Variants in SLC30A9 observed in about 807,000 individuals in gnomAD.
SLC30A9 encodes solute carrier family 30 member 9, also known as proton-coupled zinc antiporter SLC30A9, mitochondrial.
Under a neutral mutation model 87.5 loss-of-function variants are expected in SLC30A9, and 58 were observed. The ratio of observed to expected loss-of-function variants is 0.66; its 90% confidence interval spans 0.54 to 0.82. The LOEUF (loss-of-function observed/expected upper bound fraction) is 0.82, where lower values mean the gene tolerates loss of function less well. Ranked by LOEUF, SLC30A9 falls within the 40% of genes least tolerant of loss-of-function variation. SLC30A9 has a pLI of 0.00. For synonymous variants in SLC30A9, 234 were observed against 233.0 expected, an observed-to-expected ratio of 1.00 and a Z score of -0.04; for missense variants, 557 against 679.1, an observed-to-expected ratio of 0.82 and a Z score of 2.00.
At chr4:42,046,151 A>G (rs953652439) in intron 8 of SLC30A9, among the ~76,000 whole-genome samples, 2 of 152,224 alleles carry the variant, frequency 1.3e-5, no homozygotes, top group Non-Finnish European at 2.9e-5. Flanking sequence ...AGTAGCTGGA[A>G]GCATTCCCTT....
chr4:41,999,520 C>G (rs1714886822), intron 1 of SLC30A9, among the ~76,000 whole-genome samples: 1 of 151,956 alleles, frequency 6.6e-6, no homozygotes, highest in Non-Finnish European at 1.5e-5. Context: ...TAAAAATAGC[C>G]TGAAGTTAGA....
chr4:42,058,697 C>G (rs10938172), intron 9 of SLC30A9, among the ~76,000 whole-genome samples: 100,194 of 152,142 alleles, frequency 0.66, 37,188 homozygotes, highest in East Asian at 0.96. Flanking sequence ...ATGGTGGCAA[C>G]ACAAGAGAAG....
At chr4:42,003,617 C>T (rs1414208432) in intron 2 of SLC30A9, among the ~76,000 whole-genome samples, 1 of 152,038 alleles carries the variant, frequency 6.6e-6, no homozygotes, top group Non-Finnish European at 1.5e-5. Context: ...TTGATTTTAA[C>T]TTAATTTTGT....
chr4:42,018,424 A>G (rs925222526), intron 3 of SLC30A9: 4 of 1,292,846 alleles, frequency 3.1e-6, no homozygotes, highest in Non-Finnish European at 4.0e-6. Flanking sequence ...AGAATCATCA[A>G]TTGCATTATC....
At chr4:42,030,376 G>A (rs559869999) in intron 6 of SLC30A9, among the ~76,000 whole-genome samples, 2 of 152,304 alleles carry the variant, frequency 1.3e-5, no homozygotes, top group South Asian at 4.1e-4. Context: ...CATTTTTACT[G>A]TAAATTATGA....
chr4:42,018,895 C>T (rs1298765385), intron 3 of SLC30A9, among the ~76,000 whole-genome samples: 4 of 151,914 alleles, frequency 2.6e-5, no homozygotes, highest in African/African-American at 7.3e-5. Flanking sequence ...TCATTAATAA[C>T]CTGGGCCAGG....
chr4:42,049,673 A>C (rs1357359916), intron 9 of SLC30A9, among the ~76,000 whole-genome samples, 194 bp downstream of exon 9: 1 of 152,212 alleles, frequency 6.6e-6, no homozygotes, highest in Non-Finnish European at 1.5e-5. Context: ...TGCTTTAAGA[A>C]CCTCTGACAA....
chr4:41,999,802 G>A (rs917357625), intron 1 of SLC30A9, among the ~76,000 whole-genome samples: 3 of 151,924 alleles, frequency 2.0e-5, no homozygotes, highest in African/African-American at 7.3e-5. Context: ...TGTAACATTT[G>A]TAACAACTGG....
At chr4:42,011,689 T>C (rs1005534404) in intron 2 of SLC30A9, among the ~76,000 whole-genome samples, 1 of 152,190 alleles carries the variant, frequency 6.6e-6, no homozygotes, top group African/African-American at 2.4e-5. Context: ...TTAATTCCAG[T>C]TGAAGCTAAA....
chr4:42,041,286 C>T (rs1331619112), intron 8 of SLC30A9, among the ~76,000 whole-genome samples: 1 of 151,918 alleles, frequency 6.6e-6, no homozygotes, highest in Non-Finnish European at 1.5e-5. Context: ...AGGGAAGAAG[C>T]GTTTGTTTTT....
At chr4:42,045,284 T>A (rs576150270) in intron 8 of SLC30A9, among the ~76,000 whole-genome samples, 7 of 151,918 alleles carry the variant, frequency 4.6e-5, no homozygotes, top group East Asian at 3.9e-4. Context: ...CTGGTTTTTT[T>A]AAAAGATTCA....
intron 2 of SLC30A9, among the ~76,000 whole-genome samples, chr4:42,017,272 A>AT (rs1577686822): frequency 6.6e-6 from 1 of 151,080 alleles, no homozygotes; most frequent in South Asian, 2.1e-4. Flanking sequence ...ATGGATTGTC[A>AT]TTTTTTTGAT....
At chr4:42,008,526 A>G (rs1167924862) in intron 2 of SLC30A9, among the ~76,000 whole-genome samples, 1 of 152,202 alleles carries the variant, frequency 6.6e-6, no homozygotes, top group African/African-American at 2.4e-5. Context: ...ACCTATACAT[A>G]GATGGAACTG....
At chr4:42,023,240 A>T in intron 5 of SLC30A9, 62 bp from the exon 6 acceptor site, 1 of 1,078,160 alleles carries the variant, frequency 9.3e-7, no homozygotes, top group Non-Finnish European at 1.4e-6. Flanking sequence ...ATTTAGATTT[A>T]AATGTGATGT....
chr4:42,037,751 G>C (rs1716750894), intron 7 of SLC30A9, among the ~76,000 whole-genome samples: 1 of 152,074 alleles, frequency 6.6e-6, no homozygotes, highest in African/African-American at 2.4e-5. Flanking sequence ...AAAAGGGGCA[G>C]TTCTCCAATT....
rs1175570787 is a variant in SLC30A9, at chr4:42,066,608, A to G, written c.1131A>G (p.Ser377=). Residue 377 remains serine, a synonymous_variant, in exon 13 of 18, where the codon TCA becomes TCG. Transcript: ENST00000264451. ...LRRNARAKGM[S]FYKYVMESRD... The stretch of plus-strand genomic sequence containing the variant: ...GGAATGCTCGGGCTAAAGGAATGTC[A>G]TTTTACAAGTATGGTATGTATTTTA... The G allele has an allele frequency of 3.1e-6, 5 of 1,605,878 alleles. No homozygotes were observed. Among genetic ancestry groups the G allele is most frequent in the Non-Finnish European group, 4.3e-6 (5 of 1,174,604 alleles).
intron 1 of SLC30A9, among the ~76,000 whole-genome samples, chr4:41,999,544 G>A (rs1295875311): frequency 2.0e-5 from 3 of 152,144 alleles, no homozygotes. Context: ...AGCCTTTACA[G>A]CCATTGATTT....
At chr4:42,021,392 T>C (rs1338014144) in intron 4 of SLC30A9, among the ~76,000 whole-genome samples, 2 of 152,212 alleles carry the variant, frequency 1.3e-5, no homozygotes, top group South Asian at 2.1e-4. Context: ...GTGATGGTTA[T>C]TGATGTTTTT....
chr4:42,074,197 T>C (rs914361481), intron 15 of SLC30A9, among the ~76,000 whole-genome samples: 4 of 152,238 alleles, frequency 2.6e-5, no homozygotes, highest in Non-Finnish European at 5.9e-5. Flanking sequence ...CATTAATTCT[T>C]ATTTCATCCT....
Sources: gnomAD v4.1 joint callset for allele counts (sites outside exome capture counted in the v4.1 genomes callset) on GRCh38, gnomAD v4.1.1 for gene constraint, MANE v1.5 for transcripts, NCBI Gene and HGNC (gene_info 2026-07-23, HGNC 2026-07-21) for gene names.